PCDHA5: variants seen among roughly 807,000 people sequenced by gnomAD.
The protein encoded by PCDHA5 is protocadherin alpha-5.
A neutral mutation model predicts 61.6 loss-of-function variants in PCDHA5; 43 were observed. That is an observed-to-expected ratio of 0.70 (90% CI 0.55 to 0.90). The LOEUF is 0.90. Among genes scored for constraint, PCDHA5 ranks in the 40% least tolerant of loss-of-function variants. PCDHA5 has a pLI of 0.00. For missense variants in PCDHA5, 1,298 were observed against 1,222.7 expected (o/e 1.06, Z -0.92); for synonymous variants, 627 against 543.9 (o/e 1.15, Z -2.13).
At chr5:140,838,343 C>T (rs1262099993) in intron 1 of PCDHA5, among the ~76,000 whole-genome samples, 5 of 148,174 alleles carry the variant, frequency 3.4e-5, no homozygotes, top group African/African-American at 1.0e-4. Context: ...CGGCTGGTCT[C>T]GAAATCTGGG....
At chr5:140,830,258 T>G in intron 1 of PCDHA5, 1 of 1,613,620 alleles carries the variant, frequency 6.2e-7, no homozygotes, top group Non-Finnish European at 8.5e-7. Flanking sequence ...AGCGCTGCGG[T>G]GCTCGGCGCC....
At chr5:140,826,349 T>A (rs1350879909) in intron 1 of PCDHA5, among the ~76,000 whole-genome samples, 2 of 152,168 alleles carry the variant, frequency 1.3e-5, no homozygotes, top group African/African-American at 4.8e-5. Flanking sequence ...ACCCTTTGTT[T>A]GCCCAAAATA....
At chr5:140,915,626 G>GTCTCTCTCTCTCTC (rs57920489) in intron 1 of PCDHA5, among the ~76,000 whole-genome samples, 21 of 146,534 alleles carry the variant, frequency 1.4e-4, no homozygotes, top group African/African-American at 5.0e-4. Context: ...GTCTCTTTCT[G>GTCTCTCTCTCTCTC]TCTCTCTCTC....
At chr5:140,975,283 A>G (rs1554236730) in intron 1 of PCDHA5, among the ~76,000 whole-genome samples, 1 of 152,122 alleles carries the variant, frequency 6.6e-6, no homozygotes, top group Non-Finnish European at 1.5e-5. Context: ...TGACCTCTAG[A>G]CCCAGATTTA....
At chr5:140,876,192 G>A (rs782181168) in intron 1 of PCDHA5, 6 of 1,613,732 alleles carry the variant, frequency 3.7e-6, no homozygotes, top group African/African-American at 1.3e-5. Context: ...ACAATGGTCC[G>A]GCGTTTGATA....
At chr5:140,926,470 G>C (rs1244984672) in intron 1 of PCDHA5, 1 of 162,858 alleles carries the variant, frequency 6.1e-6, no homozygotes. Flanking sequence ...AGAAAACACC[G>C]TTTAAGGAGA....
chr5:140,922,268 A>T (rs2153564244), intron 1 of PCDHA5, among the ~76,000 whole-genome samples: 1 of 152,382 alleles, frequency 6.6e-6, no homozygotes, highest in Non-Finnish European at 1.5e-5. Context: ...TGCCATGAAG[A>T]TTGGACCAAG....
chr5:141,008,286 A>G (rs944894226), intron 3 of PCDHA5, among the ~76,000 whole-genome samples: 1 of 152,248 alleles, frequency 6.6e-6, no homozygotes, highest in Admixed American at 6.5e-5. Flanking sequence ...TTGAAATAGC[A>G]GTTGTACCCA....
At chr5:140,969,670 T>C (rs1481481821) in intron 1 of PCDHA5, among the ~76,000 whole-genome samples, 1 of 152,192 alleles carries the variant, frequency 6.6e-6, no homozygotes, top group African/African-American at 2.4e-5. Context: ...AGTAATGTTA[T>C]GAGACTCAAG....
chr5:140,851,939 T>C lies in PCDHA5; in HGVS notation c.2352+27812T>C, dbSNP rs1034912000. ...ATGTTATGTTTCCTGAATTGTAGTATGTGACTTTCAAAATGGTGGTTTTCC... is the reference window on the plus strand; with the variant it reads ...ATGTTATGTTTCCTGAATTGTAGTACGTGACTTTCAAAATGGTGGTTTTCC... On this transcript the variant is annotated intron_variant, in intron 1 of 3. Transcript: ENST00000529859. The C allele has an allele frequency of 2.2e-4, 214 of 966,074 alleles. 16 individuals carry two copies. The highest frequency in any genetic ancestry group is 1.3e-3 in the Admixed American group (21 of 15,930). The allele number at this position is 966,074 out of a possible 1,614,324, so 59.8% of individuals were successfully genotyped here.
intron 2 of PCDHA5, among the ~76,000 whole-genome samples, chr5:140,980,886 C>T (rs2096909899): frequency 6.6e-6 from 1 of 152,062 alleles, no homozygotes; most frequent in South Asian, 2.1e-4. Context: ...TCGGTCTTTC[C>T]AGTCTTGGAC....
intron 1 of PCDHA5, chr5:140,849,113 G>A: frequency 1.4e-6 from 2 of 1,434,592 alleles, no homozygotes; most frequent in Non-Finnish European, 1.9e-6. Context: ...AAGAAACTCC[G>A]GAGCTTCATT....
intron 1 of PCDHA5, among the ~76,000 whole-genome samples, chr5:140,833,426 G>T (rs1488860880): frequency 1.3e-5 from 2 of 152,166 alleles, no homozygotes; most frequent in Admixed American, 6.5e-5. Flanking sequence ...ATGTGAGATG[G>T]CTGAGCACTG....
chr5:140,879,227 T>C (rs1474080938), intron 1 of PCDHA5, among the ~76,000 whole-genome samples: 5 of 152,126 alleles, frequency 3.3e-5, no homozygotes, highest in Admixed American at 6.5e-5. Flanking sequence ...GAAAAAGACA[T>C]ATACAAGAGG....
Position 140,821,792 on chromosome 5 carries a change from G to A in PCDHA5, c.17G>A (p.Arg6Lys). The A allele has an allele frequency of 6.2e-7, 1 of 1,612,576 alleles. No individual in the cohort carries two copies. The highest frequency in any genetic ancestry group is 8.5e-7 in the Non-Finnish European group (1 of 1,179,162). ...GAGATTGAGATGGTATATTCCCGGA[G>A]AGGAAGTCTGGGATCCCGGCTCCTG... MVYSR[R>K]GSLGSRLLLL... Residue 6 changes from arginine (R) to lysine (K), a missense_variant, in exon 1 of 4, where the codon AGA (arginine) becomes AAA (lysine). Physicochemically the swap from Arg to Lys is conservative, Grantham distance 26 (BLOSUM62 2). Transcript: ENST00000529859.
chr5:140,898,653 G>A (rs1321472129), intron 1 of PCDHA5, among the ~76,000 whole-genome samples: 1 of 152,202 alleles, frequency 6.6e-6, no homozygotes, highest in Non-Finnish European at 1.5e-5. Context: ...TTTTGGCTTA[G>A]GATTGACTTG....
intron 3 of PCDHA5, among the ~76,000 whole-genome samples, chr5:141,006,429 G>A (rs541690957): frequency 1.3e-5 from 2 of 152,004 alleles, no homozygotes; most frequent in South Asian, 4.2e-4. Context: ...TAGCCAGGAT[G>A]GTCTCAATCT....
At chr5:140,876,483 G>T (rs373900620) in intron 1 of PCDHA5, 1 of 1,614,004 alleles carries the variant, frequency 6.2e-7, no homozygotes, top group Non-Finnish European at 8.5e-7. Flanking sequence ...GCATGGTCCT[G>T]GTGGAAGTTC....
intron 1 of PCDHA5, chr5:140,870,941 C>CGGCG (rs782621545): frequency 1.2e-6 from 2 of 1,613,594 alleles, no homozygotes; most frequent in Non-Finnish European, 1.7e-6. Context: ...TTGCAGCCGG[C>CGGCG]GGCGGGCGGC....
Sources: gnomAD v4.1 joint callset for allele counts (sites outside exome capture counted in the v4.1 genomes callset) on GRCh38, gnomAD v4.1.1 for gene constraint, MANE v1.5 for transcripts, NCBI Gene and HGNC (gene_info 2026-07-23, HGNC 2026-07-21) for gene names.